Variants in ADGRA2 observed in about 807,000 individuals in gnomAD.
ADGRA2 encodes the protein adhesion G protein-coupled receptor A2.
In ADGRA2, 61 loss-of-function variants were observed where a neutral mutation model predicts 98.7. That is an observed-to-expected ratio of 0.62 (90% CI 0.50 to 0.76). The LOEUF (loss-of-function observed/expected upper bound fraction) is 0.76. ADGRA2 is among the 30% of genes least tolerant of loss of function. The pLI is 0.00. For missense variants in ADGRA2, 1,712 were observed against 1,860.0 expected (o/e 0.92, Z 1.46); for synonymous variants, 858 against 831.5 (o/e 1.03, Z -0.55).
At chr8:37,810,025 G>A (rs986988463) in intron 1 of ADGRA2, among the ~76,000 whole-genome samples, 1 of 152,198 alleles carries the variant, frequency 6.6e-6, no homozygotes, top group Non-Finnish European at 1.5e-5. Context: ...CTGAATTTAG[G>A]TGTGTTGGCA....
Position 37,842,595 on chromosome 8 carries a change from C to T in ADGRA2, c.*240C>T. ...GCCCGGGGCAGTCTGACTGTCGGTGCCCTCCCAGGAACGGGGAAGGCCTCC... is the reference window on the plus strand; with the variant it reads ...GCCCGGGGCAGTCTGACTGTCGGTGTCCTCCCAGGAACGGGGAAGGCCTCC... On this transcript the variant is annotated 3_prime_UTR_variant, in exon 19 of 19. Transcript: ENST00000412232. 1 of 587,282 alleles carries T rather than the reference C, an allele frequency of 1.7e-6. No individual in the cohort carries two copies. The highest frequency in any genetic ancestry group is 2.6e-6 in the Non-Finnish European group (1 of 391,614). The allele number at this position is 587,282 out of a possible 1,614,324, so 36.4% of individuals were successfully genotyped here.
chr8:37,830,623 C>A lies in ADGRA2; in HGVS notation c.719-87C>A. On this transcript the variant is annotated intron_variant, in intron 6 of 18. Coordinates refer to ENST00000412232, the MANE Select transcript of ADGRA2 (RefSeq NM_032777.10). This position sits in a 1 kb window ranked among gnomAD's most constrained non-coding sequence, Gnocchi z 4.8. ...TGCAGGCCGAGGGCCCCGCCCCGCC[C>A]CACCCCATCCTGCTGGACTCTCGCT... The A allele has an allele frequency of 4.8e-6, 3 of 625,936 alleles. No individual in the cohort carries two copies. Among genetic ancestry groups the A allele is most frequent in the Non-Finnish European group, 8.6e-6 (3 of 348,248 alleles). 38.8% of individuals were successfully genotyped at this position (625,936 alleles called of 1,614,324 possible). A position where few individuals can be genotyped will look rare whatever the true frequency, so the allele number is the denominator to read the frequency against.
At chr8:37,800,977 C>T (rs763405931) in intron 1 of ADGRA2, among the ~76,000 whole-genome samples, 2 of 152,092 alleles carry the variant, frequency 1.3e-5, no homozygotes, top group Non-Finnish European at 2.9e-5. Flanking sequence ...GATGGGGCCC[C>T]GGGGCACTCA....
chr8:37,807,736 TC>T (rs1265013600), intron 1 of ADGRA2, among the ~76,000 whole-genome samples: 1 of 152,128 alleles, frequency 6.6e-6, no homozygotes, highest in Non-Finnish European at 1.5e-5. Flanking sequence ...AGACAGGGCC[TC>T]CCAGACTCTG....
chr8:37,829,714 C>T (rs973686844), intron 5 of ADGRA2, 137 bp from the exon 6 acceptor site: 4 of 1,005,126 alleles, frequency 4.0e-6, no homozygotes, highest in East Asian at 2.4e-5. Context: ...CGCGATGGCC[C>T]GGGGCAGAGA....
At chr8:37,824,405 A>T (rs1420646767) in intron 2 of ADGRA2, among the ~76,000 whole-genome samples, 1 of 151,160 alleles carries the variant, frequency 6.6e-6, no homozygotes, top group Non-Finnish European at 1.5e-5. Context: ...CTAGATAGAC[A>T]TCCCTTATCA....
intron 1 of ADGRA2, among the ~76,000 whole-genome samples, chr8:37,811,304 G>A (rs1305337106): frequency 2.0e-5 from 3 of 149,836 alleles, no homozygotes; most frequent in Non-Finnish European, 4.4e-5. Context: ...CAAGTGGCTG[G>A]GATTACAGGC....
intron 13 of ADGRA2, 34 bp from the exon 14 acceptor site, chr8:37,837,697 G>A (rs1563352527): frequency 6.6e-7 from 1 of 1,521,744 alleles, no homozygotes; most frequent in East Asian, 2.5e-5. Flanking sequence ...GACACCCTGT[G>A]TGTGTCTGTG....
At chr8:37,818,127 G>A (rs1805029395) in intron 2 of ADGRA2, among the ~76,000 whole-genome samples, 1 of 152,198 alleles carries the variant, frequency 6.6e-6, no homozygotes, top group South Asian at 2.1e-4. Flanking sequence ...CCCAGGCTTG[G>A]TCTTGGAGGA....
Position 37,844,374 on chromosome 8 carries a change from G to A in ADGRA2, c.*2019G>A. The stretch of plus-strand genomic sequence containing the variant: ...CCAACTAATGGCAGAGCCCCTCTTG[G>A]TTCCTTCAAACAAGAAAAGCAATAC... On this transcript the variant is annotated 3_prime_UTR_variant, in exon 19 of 19. Transcript: ENST00000412232. The A allele has an allele frequency of 7.2e-7, 1 of 1,391,894 alleles. No homozygotes were observed. Among genetic ancestry groups the A allele is most frequent in the Non-Finnish European group, 9.8e-7 (1 of 1,015,830 alleles). The allele number at this position is 1,391,894 out of a possible 1,614,324, so 86.2% of individuals were successfully genotyped here.
intron 1 of ADGRA2, among the ~76,000 whole-genome samples, chr8:37,811,805 T>G (rs1804839803): frequency 6.6e-6 from 1 of 151,278 alleles, no homozygotes; most frequent in African/African-American, 2.4e-5. Context: ...ATGTGGCTAC[T>G]AGGAAATTTA....
chr8:37,825,544 C>T (rs911546115), intron 2 of ADGRA2, among the ~76,000 whole-genome samples: 6 of 151,998 alleles, frequency 3.9e-5, no homozygotes, highest in South Asian at 2.1e-4. Context: ...CCACCGCACC[C>T]GGCCGGGGCT....
At chr8:37,826,357 C>T (rs999599804) in intron 2 of ADGRA2, among the ~76,000 whole-genome samples, 2 of 152,122 alleles carry the variant, frequency 1.3e-5, no homozygotes, top group Non-Finnish European at 2.9e-5. Context: ...GCCAGAGGGG[C>T]ACCCCTGGCA....
chr8:37,818,820 A>C (rs1202521349), intron 2 of ADGRA2, among the ~76,000 whole-genome samples: 1 of 152,216 alleles, frequency 6.6e-6, no homozygotes. Flanking sequence ...AGAAAGCAAG[A>C]GGGCCAGGGG....
At chr8:37,798,230 T>C (rs1387648456) in intron 1 of ADGRA2, among the ~76,000 whole-genome samples, 2 of 152,212 alleles carry the variant, frequency 1.3e-5, no homozygotes, top group Admixed American at 6.5e-5. Context: ...TCCTTGCCTC[T>C]CCTTTGCCTC....
chr8:37,841,638 C>A lies in ADGRA2; in HGVS notation c.3300C>A (p.Pro1100=). Residue 1100 remains proline, a synonymous_variant, in exon 19 of 19, where the codon CCC becomes CCA. Coordinates refer to ENST00000412232, the MANE Select transcript of ADGRA2 (RefSeq NM_032777.10). This position sits in a 1 kb window ranked among gnomAD's most constrained non-coding sequence, Gnocchi z 5.0. ...CCCATGCCCCGCCCCGGGCCCTGCC[C>A]GCCGCCGCAGAGGACGGTTCCCCGG... ...AAPHAPPRAL[P]AAAEDGSPVF... 2.6e-6 allele frequency: 4 copies of A among 1,525,856 alleles called. No individual in the cohort carries two copies. Among genetic ancestry groups the A allele is most frequent in the Non-Finnish European group, 3.5e-6 (4 of 1,136,506 alleles). The allele number at this position is 1,525,856 out of a possible 1,614,324, so 94.5% of individuals were successfully genotyped here. A position where few individuals can be genotyped will look rare whatever the true frequency, so the allele number is the denominator to read the frequency against.
chr8:37,835,033 AAAAG>A (rs1460250523), intron 11 of ADGRA2, 137 bp from the exon 12 acceptor site: 16 of 626,670 alleles, frequency 2.6e-5, no homozygotes, highest in Admixed American at 1.1e-4. Flanking sequence ...TCTAAAAAAA[AAAAG>A]AGAGAGAGGT....
In ADGRA2 at chr8:37,831,484, A is replaced by G. The variant is rs762760336; in HGVS notation, c.994A>G (p.Met332Val). ...ASGEWECTVSMAQGNASKKVE... is the reference protein window; with the variant it reads ...ASGEWECTVSVAQGNASKKVE... ...AGGCGAGTGGGAGTGCACCGTGTCC[A>G]TGGCCCAAGGCAACGCCAGCAAGAA... Residue 332 changes from methionine (M) to valine (V), a missense_variant, in exon 8 of 19, where the codon ATG becomes GTG. Coordinates refer to ENST00000412232, the MANE Select transcript of ADGRA2 (RefSeq NM_032777.10). 1.9e-6 allele frequency: 3 copies of G among 1,613,752 alleles called. No individual in the cohort carries two copies. The highest frequency in any genetic ancestry group is 2.5e-6 in the Non-Finnish European group (3 of 1,180,012).
intron 1 of ADGRA2, among the ~76,000 whole-genome samples, chr8:37,803,256 A>G (rs962952671): frequency 1.2e-4 from 18 of 152,172 alleles, no homozygotes; most frequent in African/African-American, 4.3e-4. Context: ...CTGTCCTTCC[A>G]CTCCGTGGAG....
Sources: allele counts gnomAD v4.1 joint callset (sites outside exome capture counted in the v4.1 genomes callset), GRCh38; gene constraint gnomAD v4.1.1; non-coding constraint Gnocchi (gnomAD v3.1); transcripts MANE v1.5; gene names NCBI Gene and HGNC (gene_info 2026-07-23, HGNC 2026-07-21).